CPLANE1: variants seen among roughly 807,000 people sequenced by gnomAD.
CPLANE1 encodes ciliogenesis and planar polarity effector 1.
A neutral mutation model predicts 362.5 loss-of-function variants in CPLANE1; 263 were observed. The ratio of observed to expected loss-of-function variants is 0.73; its 90% CI spans 0.66 to 0.80. CPLANE1 has a LOEUF of 0.80. CPLANE1 is among the 30% of genes least tolerant of loss of function. The pLI is 0.00. For synonymous variants in CPLANE1, 1,212 were observed against 1,302.6 expected (o/e 0.93, Z 1.50); for missense variants, 3,461 against 3,793.4 (o/e 0.91, Z 2.30).
intron 38 of CPLANE1, among the ~76,000 whole-genome samples, chr5:37,159,305 G>T (rs1477650849): frequency 1.5e-5 from 2 of 130,762 alleles, no homozygotes; most frequent in Non-Finnish European, 3.3e-5. Context: ...TAGAGACGGG[G>T]TTTCACCTTG....
In CPLANE1 at chr5:37,209,675, G is replaced by C. The variant is rs1028184772; in HGVS notation, c.2921-3250C>G. 1.6e-5 allele frequency: 21 copies of C among 1,322,140 alleles called. No homozygotes were observed. In the African/African-American group the frequency reaches 1.7e-4, roughly 11 times the overall value. 81.9% of individuals were successfully genotyped at this position (1,322,140 alleles called of 1,614,324 possible). On this transcript the variant is annotated intron_variant, in intron 16 of 52. Transcript: ENST00000651892. The surrounding 1 kb of genome is among the most constrained non-coding windows in gnomAD (Gnocchi z 4.6). ...TAGAAAGTGGTTTGGCAAAAGAAAA[G>C]GTATTTACTATGCAGGATCTATTAC...
At chr5:37,239,984 T>C in intron 6 of CPLANE1, 115 bp from the exon 7 acceptor site, 5 of 624,296 alleles carry the variant, frequency 8.0e-6, no homozygotes, top group Non-Finnish European at 1.3e-5. Flanking sequence ...CACATGTACT[T>C]AGGGAATATT....
chr5:37,224,428 G>A, intron 13 of CPLANE1, 95 bp from the exon 14 acceptor site: 1 of 1,294,452 alleles, frequency 7.7e-7, no homozygotes, highest in Non-Finnish European at 1.1e-6. Flanking sequence ...AGCTCAGCCA[G>A]AAATTATTTT....
Position 37,106,237 on chromosome 5 carries a change from T to C in CPLANE1, c.*1365A>G, listed in dbSNP as rs913127967. ...AGAAAATCAGTATATCAAAGAGATATCTGCACTCCTACATTTATTGCAGCT... is the reference window on the plus strand; with the variant it reads ...AGAAAATCAGTATATCAAAGAGATACCTGCACTCCTACATTTATTGCAGCT... On this transcript the variant is annotated 3_prime_UTR_variant, in exon 53 of 53. Coordinates refer to ENST00000651892, the MANE Select transcript of CPLANE1 (RefSeq NM_001384732.1). 6.6e-6 allele frequency: 1 copy of C among 152,216 alleles called. No homozygotes were observed. Among genetic ancestry groups the C allele is most frequent in the Non-Finnish European group, 1.5e-5 (1 of 68,032 alleles). 9.4% of individuals were successfully genotyped at this position (152,216 alleles called of 1,614,324 possible).
chr5:37,162,574 A>G lies in CPLANE1; in HGVS notation c.7589-8T>C. 6.4e-7 allele frequency: 1 copy of G among 1,571,400 alleles called. No individual in the cohort carries two copies. Reference sequence around the variant, plus strand: ...TATCATCTTGTAGCATTTCTTAAATATAATAAAACATTGGAAGTAATCATT... The same window carrying G: ...TATCATCTTGTAGCATTTCTTAAATGTAATAAAACATTGGAAGTAATCATT... On this transcript the variant is annotated splice_polypyrimidine_tract_variant and splice_region_variant and intron_variant, in intron 37 of 52. Coordinates refer to ENST00000651892, the MANE Select transcript of CPLANE1 (RefSeq NM_001384732.1).
At position 37,198,873 on chromosome 5, in the gene CPLANE1, A is replaced by C; in HGVS notation, c.3508-7T>G. 1.2e-6 allele frequency: 2 copies of C among 1,612,676 alleles called. No homozygotes were observed. The highest frequency in any genetic ancestry group is 1.3e-5 in the African/African-American group (1 of 74,886). On this transcript the variant is annotated splice_polypyrimidine_tract_variant and splice_region_variant and intron_variant, in intron 19 of 52. Transcript: ENST00000651892. ...GAAGATCATCACCATCTTCCTGAGG[A>C]AAATAAAACAATCCATTTTAGTGGC... is the stretch of plus-strand genomic sequence containing the variant.
rs1461028721 is a variant in CPLANE1 at position 37,193,148 on chromosome 5, G to A, written c.3811+2710C>T. The stretch of plus-strand genomic sequence containing the variant: ...CATGCCACTGCACTCCAGCCTGGGC[G>A]ACAGTGCAAGACTCCAACTAAAAAA... On this transcript the variant is annotated intron_variant, in intron 21 of 52. Coordinates refer to ENST00000651892, the MANE Select transcript of CPLANE1 (RefSeq NM_001384732.1). Among the ~76,000 whole-genome samples the A allele has an allele frequency of 6.6e-6, 1 of 150,782 alleles. No individual in the cohort carries two copies. Among genetic ancestry groups the A allele is most frequent in the Admixed American group, 6.6e-5 (1 of 15,088 alleles).
At chr5:37,114,825 G>A (rs933525568) in intron 51 of CPLANE1, 135 bp downstream of exon 51, 49 of 578,442 alleles carry the variant, frequency 8.5e-5, no homozygotes, top group Middle Eastern at 9.3e-4. Context: ...ACTTGAACCC[G>A]GGAGTGGAGG....
intron 39 of CPLANE1, 44 bp downstream of exon 39, chr5:37,158,180 T>C (rs761698735): frequency 1.3e-6 from 2 of 1,596,328 alleles, no homozygotes; most frequent in South Asian, 2.2e-5. Context: ...CATAATACAT[T>C]TTAGCGCAAA....
Position 37,138,761 on chromosome 5 carries a change from A to G in CPLANE1, c.8751T>C (p.Ser2917=). The change falls in exon 46 of 53, where the codon AGT becomes AGC. Residue 2917 remains serine (S), a synonymous_variant. Transcript: ENST00000651892. The part of the protein sequence containing the change: ...DDLIIKDGVS[S]EELGLTEQAM... ...CTTGTTCTGTTAAGCCAAGTTCTTC[A>G]CTGGAAACTCCGTCTTTAATTATAA... 1 of 1,613,116 alleles carries G rather than the reference A, an allele frequency of 6.2e-7. No individual in the cohort carries two copies. The highest frequency in any genetic ancestry group is 1.1e-5 in the South Asian group (1 of 90,864).
chr5:37,133,653 A>C (rs1766662348), intron 46 of CPLANE1, among the ~76,000 whole-genome samples: 1 of 152,086 alleles, frequency 6.6e-6, no homozygotes, highest in Admixed American at 6.6e-5. Flanking sequence ...GAAGTCATTT[A>C]TCAGTTCTAG....
rs539409643 is a variant in CPLANE1 at position 37,138,811 on chromosome 5, C to T, written c.8701G>A (p.Asp2901Asn). Reference protein sequence around the residue: ...VHPLQMTGLTDIADIIDDLII... With the variant: ...VHPLQMTGLTNIADIIDDLII... ...AGGTCATCAATAATGTCTGCAATAT[C>T]AGTCAATCCAGTCATCTGGAGCGGA... is the stretch of plus-strand genomic sequence containing the variant. The change falls in exon 46 of 53, where the codon GAT (aspartate) becomes AAT (asparagine). Residue 2901 changes from aspartate (D) to asparagine (N), a missense_variant. Transcript: ENST00000651892. 3.1e-6 allele frequency: 5 copies of T among 1,611,544 alleles called. No homozygotes were observed. The East Asian group carries it at 1.1e-4, about 36-fold the overall frequency.
In CPLANE1 at chr5:37,196,013, A is replaced by C; in HGVS notation, c.3673-17T>G. The C allele has an allele frequency of 1.3e-6, 2 of 1,583,216 alleles. No individual in the cohort carries two copies. The highest frequency in any genetic ancestry group is 2.3e-5 in the South Asian group (2 of 85,214). ...CATTCGAATCTAAAAGTAAAGAATA[A>C]CCGAACATGTTAATTATCAGCTGTA... On this transcript the variant is annotated splice_polypyrimidine_tract_variant and intron_variant, in intron 20 of 52. Transcript: ENST00000651892.
At chr5:37,185,288 G>C (rs1783687215) in intron 24 of CPLANE1, among the ~76,000 whole-genome samples, 1 of 151,664 alleles carries the variant, frequency 6.6e-6, no homozygotes, top group African/African-American at 2.4e-5. Context: ...GTCCATTAAA[G>C]AACACAGTAA....
chr5:37,183,551 C>G lies in CPLANE1; in HGVS notation c.4630G>C (p.Glu1544Gln). Residue 1544 changes from glutamate (E) to glutamine (Q), a missense_variant, in exon 26 of 53, where the codon GAA (glutamate) becomes CAA (glutamine). Coordinates refer to ENST00000651892, the MANE Select transcript of CPLANE1 (RefSeq NM_001384732.1). ...TLPVIGVWEF[E>Q]RDDDEYIKFL... Reference sequence around the variant, plus strand: ...TTAATATATTCATCATCATCACGTTCAAATTCCCAAACACCTATTACAGGA... The same window carrying G: ...TTAATATATTCATCATCATCACGTTGAAATTCCCAAACACCTATTACAGGA... 1 of 1,613,434 alleles carries G rather than the reference C, an allele frequency of 6.2e-7. No individual in the cohort carries two copies. Among genetic ancestry groups the G allele is most frequent in the African/African-American group, 1.3e-5 (1 of 75,020 alleles).
Position 37,209,553 on chromosome 5 carries a change from G to A in CPLANE1, c.2921-3128C>T. On this transcript the variant is annotated intron_variant, in intron 16 of 52. Transcript: ENST00000651892. The surrounding 1 kb of genome is among the most constrained non-coding windows in gnomAD (Gnocchi z 4.6). ...AGAACTGCAACCTCAGTCCATTTCA[G>A]TGCAAGGGAGCTCCCTCTTAATAAG... is the stretch of plus-strand genomic sequence containing the variant. The A allele has an allele frequency of 7.6e-7, 1 of 1,307,602 alleles. No individual in the cohort carries two copies. Among genetic ancestry groups the A allele is most frequent in the Non-Finnish European group, 1.1e-6 (1 of 901,888 alleles). The allele number at this position is 1,307,602 out of a possible 1,614,324, so 81.0% of individuals were successfully genotyped here.
At chr5:37,165,432 T>C (rs1777993897) in intron 36 of CPLANE1, 107 bp downstream of exon 36, 10 of 1,029,958 alleles carry the variant, frequency 9.7e-6, no homozygotes, top group Middle Eastern at 4.1e-4. Flanking sequence ...AAGATCCTCC[T>C]AGTCACAGTC....
At chr5:37,151,197 T>A (rs1417950882) in intron 42 of CPLANE1, among the ~76,000 whole-genome samples, 1 of 152,174 alleles carries the variant, frequency 6.6e-6, no homozygotes, top group African/African-American at 2.4e-5. Flanking sequence ...CTCATACAGC[T>A]CCCCAAACAC....
At position 37,206,379 on chromosome 5, in the gene CPLANE1, A is replaced by C; in HGVS notation, c.2967T>G (p.Ser989Arg). Reference sequence around the variant, plus strand: ...TAGAGAGATTCTGATCTCTAACAACACTGGCCACCTTAGAGTGTTGCAGAG... The same window carrying C: ...TAGAGAGATTCTGATCTCTAACAACCCTGGCCACCTTAGAGTGTTGCAGAG... ...LIPLQHSKVASVVRDQNLSNV... is the reference protein window; with the variant it reads ...LIPLQHSKVARVVRDQNLSNV... Residue 989 changes from serine (S) to arginine (R), a missense_variant, in exon 17 of 53, where the codon AGT (serine) becomes AGG (arginine). This residue lies in a region of CPLANE1 where 3,380 missense variants were observed against 3,666.1 expected (regional missense o/e 0.92). Transcript: ENST00000651892. The C allele has an allele frequency of 6.4e-7, 1 of 1,551,608 alleles. No individual in the cohort carries two copies. Among genetic ancestry groups the C allele is most frequent in the Non-Finnish European group, 8.7e-7 (1 of 1,146,872 alleles).
Sources: gnomAD v4.1 joint callset for allele counts (sites outside exome capture counted in the v4.1 genomes callset) on GRCh38, gnomAD v4.1.1 for gene constraint, gnomAD v4.1.1 regional missense constraint, Gnocchi (gnomAD v3.1) non-coding constraint, MANE v1.5 for transcripts, NCBI Gene and HGNC (gene_info 2026-07-23, HGNC 2026-07-21) for gene names.